Variants in PTPRG observed in about 807,000 individuals in gnomAD.
The protein encoded by PTPRG is receptor-type tyrosine-protein phosphatase gamma.
In PTPRG, 102 loss-of-function variants were observed where a neutral mutation model predicts 165.3. That is an observed-to-expected ratio of 0.62 (90% CI 0.53 to 0.73). The LOEUF (loss-of-function observed/expected upper bound fraction) is 0.73. PTPRG is among the 30% of genes least tolerant of loss of function. PTPRG has a pLI of 0.00. For missense variants in PTPRG, 1,866 were observed against 1,861.4 expected, an observed-to-expected ratio of 1.00 and a Z score of -0.05; for synonymous variants, 675 against 669.5, an observed-to-expected ratio of 1.01 and a Z score of -0.13.
intron 1 of PTPRG, among the ~76,000 whole-genome samples, chr3:61,606,977 A>C (rs950842617): frequency 6.6e-6 from 1 of 151,494 alleles, no homozygotes; most frequent in African/African-American, 2.5e-5. Flanking sequence ...GAACAGGCTC[A>C]GATGACGTCC....
chr3:61,952,118 GAAAAAA>G (rs35655816), intron 2 of PTPRG, among the ~76,000 whole-genome samples: 5 of 79,674 alleles, frequency 6.3e-5, no homozygotes, highest in African/African-American at 2.4e-4. Context: ...CTCCACCTCA[GAAAAAA>G]AAAAAAAAAA....
intron 4 of PTPRG, among the ~76,000 whole-genome samples, chr3:62,040,880 G>C (rs901401892): frequency 2.0e-5 from 3 of 152,198 alleles, no homozygotes; most frequent in African/African-American, 7.2e-5. Flanking sequence ...ATATAGAGGA[G>C]TTTCAGCAGT....
chr3:61,822,046 G>A (rs555844178), intron 2 of PTPRG, among the ~76,000 whole-genome samples: 1 of 152,350 alleles, frequency 6.6e-6, no homozygotes, highest in Admixed American at 6.5e-5. Flanking sequence ...GACAATGTAA[G>A]TAACTTGCCT....
chr3:61,605,325 G>A (rs559618566), intron 1 of PTPRG, among the ~76,000 whole-genome samples: 3 of 151,840 alleles, frequency 2.0e-5, no homozygotes, highest in Non-Finnish European at 4.4e-5. Context: ...GCATGATCTC[G>A]ACTCACTGCA....
chr3:61,923,490 C>T (rs946869853), intron 2 of PTPRG, among the ~76,000 whole-genome samples: 2 of 151,796 alleles, frequency 1.3e-5, no homozygotes, highest in South Asian at 2.1e-4. Flanking sequence ...ATGTGCCATG[C>T]TGGTGTGCTG....
At chr3:62,036,979 G>A (rs891671208) in intron 4 of PTPRG, among the ~76,000 whole-genome samples, 12 of 77,154 alleles carry the variant, frequency 1.6e-4, no homozygotes, top group African/African-American at 5.2e-4. Flanking sequence ...GTGCGCGCGC[G>A]CACGCACACA....
intron 2 of PTPRG, among the ~76,000 whole-genome samples, chr3:61,825,311 A>G (rs897630770): frequency 1.3e-5 from 2 of 152,196 alleles, no homozygotes; most frequent in African/African-American, 4.8e-5. Flanking sequence ...AAATGCTTCA[A>G]GTGTAAGACT....
At chr3:61,926,166 A>G (rs1445340843) in intron 2 of PTPRG, among the ~76,000 whole-genome samples, 1 of 152,186 alleles carries the variant, frequency 6.6e-6, no homozygotes, top group Non-Finnish European at 1.5e-5. Context: ...AACTTGGAGA[A>G]AGAGTAGCTT....
chr3:61,671,144 T>C (rs1045249624), intron 1 of PTPRG, among the ~76,000 whole-genome samples: 13 of 150,988 alleles, frequency 8.6e-5, no homozygotes, highest in East Asian at 3.9e-4. Flanking sequence ...CTTTCTTTTT[T>C]TTTTTTTTTT....
chr3:61,578,850 C>G (rs1215126480), intron 1 of PTPRG, among the ~76,000 whole-genome samples: 1 of 152,230 alleles, frequency 6.6e-6, no homozygotes, highest in African/African-American at 2.4e-5. Context: ...GATGGAAATA[C>G]TTCCTTCCCA....
At chr3:61,801,976 G>C (rs984356701) in intron 2 of PTPRG, among the ~76,000 whole-genome samples, 1 of 146,546 alleles carries the variant, frequency 6.8e-6, no homozygotes, top group Non-Finnish European at 1.5e-5. Context: ...AGTGAGCTGA[G>C]ATTGCACCAT....
chr3:62,258,372 A>G (rs1417603143), intron 16 of PTPRG, among the ~76,000 whole-genome samples: 3 of 152,232 alleles, frequency 2.0e-5, no homozygotes, highest in Non-Finnish European at 4.4e-5. Context: ...GCCCTCAAAG[A>G]GTTCAATCTG....
At chr3:61,897,886 T>C (rs2038398848) in intron 2 of PTPRG, among the ~76,000 whole-genome samples, 2 of 152,230 alleles carry the variant, frequency 1.3e-5, no homozygotes, top group South Asian at 2.1e-4. Context: ...TGATGGACTT[T>C]TCAGGTTGAT....
At chr3:61,982,113 T>G (rs1421685965) in intron 2 of PTPRG, among the ~76,000 whole-genome samples, 1 of 152,174 alleles carries the variant, frequency 6.6e-6, no homozygotes, top group African/African-American at 2.4e-5. Context: ...GTCAGGATTC[T>G]AAAAGAACAT....
intron 1 of PTPRG, among the ~76,000 whole-genome samples, chr3:61,631,685 G>A (rs992446107): frequency 3.3e-5 from 5 of 152,110 alleles, no homozygotes; most frequent in African/African-American, 1.2e-4. Flanking sequence ...TAAGCTCTGT[G>A]TTTTCAAAAG....
At chr3:62,125,313 T>C (rs1041416354) in intron 5 of PTPRG, among the ~76,000 whole-genome samples, 3 of 152,210 alleles carry the variant, frequency 2.0e-5, no homozygotes, top group Non-Finnish European at 2.9e-5. Context: ...TTGTCTCTTA[T>C]ATTTTTCATG....
intron 4 of PTPRG, among the ~76,000 whole-genome samples, chr3:62,066,814 C>T (rs147296753): frequency 3.8e-4 from 58 of 152,144 alleles, no homozygotes; most frequent in African/African-American, 1.1e-3. Flanking sequence ...CCGAGGTGGG[C>T]GGATCATGAG....
intron 2 of PTPRG, among the ~76,000 whole-genome samples, chr3:61,923,314 C>A (rs764957058): frequency 6.6e-6 from 1 of 152,060 alleles, no homozygotes; most frequent in Non-Finnish European, 1.5e-5. Flanking sequence ...TTGATTTAAC[C>A]GTACATCATA....
At chr3:62,253,879 T>C (rs1329637436) in intron 15 of PTPRG, among the ~76,000 whole-genome samples, 2 of 152,212 alleles carry the variant, frequency 1.3e-5, no homozygotes, top group African/African-American at 4.8e-5. Flanking sequence ...ACCTATTTGA[T>C]AAGTAACATT....
Sources: gnomAD v4.1 joint callset for allele counts (sites outside exome capture counted in the v4.1 genomes callset) on GRCh38, gnomAD v4.1.1 for gene constraint, MANE v1.5 for transcripts, NCBI Gene and HGNC (gene_info 2026-07-23, HGNC 2026-07-21) for gene names.